Variants in ACSL5 observed in about 807,000 individuals in gnomAD.
ACSL5 encodes acyl-CoA synthetase long chain family member 5.
A neutral mutation model predicts 84.9 loss-of-function variants in ACSL5; 50 were observed. That is an observed-to-expected ratio of 0.59 (90% confidence interval 0.47 to 0.75). ACSL5 has a LOEUF of 0.75. Ranked by LOEUF, ACSL5 falls within the 30% of genes least tolerant of loss-of-function variation. The pLI is 0.00. For synonymous variants in ACSL5, 280 were observed against 300.7 expected (o/e 0.93, Z 0.71); for missense variants, 775 against 830.4 (o/e 0.93, Z 0.82).
chr10:112,390,089 A>C (rs1031598051), intron 1 of ACSL5, among the ~76,000 whole-genome samples: 1 of 114,534 alleles, frequency 8.7e-6, no homozygotes. Flanking sequence ...ATTGTAAAAA[A>C]ATAAAAATAA....
chr10:112,393,846 C>A (rs1162220624), intron 1 of ACSL5, among the ~76,000 whole-genome samples: 4 of 152,198 alleles, frequency 2.6e-5, no homozygotes, highest in Admixed American at 2.6e-4. Flanking sequence ...TGAATTTGGA[C>A]AAGTCACTTT....
At chr10:112,406,642 C>T (rs549215871) in intron 5 of ACSL5, 5 of 152,152 alleles carry the variant, frequency 3.3e-5, no homozygotes, top group African/African-American at 9.7e-5. Flanking sequence ...TGTATTAGTT[C>T]GTTATCACAC....
At chr10:112,405,435 C>G (rs1564737672) in intron 5 of ACSL5, among the ~76,000 whole-genome samples, 2 of 152,126 alleles carry the variant, frequency 1.3e-5, no homozygotes, top group Non-Finnish European at 1.5e-5. Flanking sequence ...TCGACAGAAG[C>G]CATTAGTAGT....
At chr10:112,381,862 G>A (rs1156657901) in intron 1 of ACSL5, among the ~76,000 whole-genome samples, 3 of 152,096 alleles carry the variant, frequency 2.0e-5, no homozygotes, top group Non-Finnish European at 4.4e-5. Flanking sequence ...AGCTACTCAG[G>A]AGGCTGAGAC....
intron 1 of ACSL5, among the ~76,000 whole-genome samples, chr10:112,388,085 T>C (rs975833546): frequency 6.6e-6 from 1 of 152,014 alleles, no homozygotes; most frequent in Admixed American, 6.6e-5. Context: ...ATTACAGGCA[T>C]GCGCCACCAA....
intron 3 of ACSL5, among the ~76,000 whole-genome samples, chr10:112,403,562 A>G (rs12221085): frequency 0.084 from 12,836 of 152,334 alleles, 670 homozygotes; most frequent in Non-Finnish European, 0.11. Context: ...CTGGGATTAC[A>G]GGCATGAGCC....
chr10:112,415,977 ATCATGCGAGC>A (rs898976242), intron 12 of ACSL5, among the ~76,000 whole-genome samples: 7 of 152,156 alleles, frequency 4.6e-5, no homozygotes, highest in African/African-American at 9.7e-5. Flanking sequence ...GACCAGGGAA[ATCATGCGAGC>A]TGGAAAAATG....
At chr10:112,387,720 G>A (rs1210536501) in intron 1 of ACSL5, among the ~76,000 whole-genome samples, 2 of 152,180 alleles carry the variant, frequency 1.3e-5, no homozygotes, top group African/African-American at 4.8e-5. Flanking sequence ...CTAATTGGGT[G>A]TAAGAACTTG....
At chr10:112,379,008 A>T (rs546149910) in intron 1 of ACSL5, among the ~76,000 whole-genome samples, 4 of 151,816 alleles carry the variant, frequency 2.6e-5, no homozygotes, top group South Asian at 4.1e-4. Flanking sequence ...AAGAGTTGTG[A>T]GGTTGCGAGT....
intron 17 of ACSL5, among the ~76,000 whole-genome samples, chr10:112,422,871 C>T (rs915080973): frequency 3.0e-5 from 4 of 135,566 alleles, no homozygotes; most frequent in Admixed American, 2.2e-4. Context: ...AAAAAAAGAA[C>T]ATACAATTGA....
chr10:112,422,126 C>T (rs1177367377), intron 16 of ACSL5, 91 bp downstream of exon 16: 1 of 1,428,064 alleles, frequency 7.0e-7, no homozygotes, highest in African/African-American at 1.4e-5. Context: ...TGGATTTGGC[C>T]CCTTTGAGAT....
In ACSL5 at chr10:112,399,064, A is replaced by G. The variant is rs542993939; in HGVS notation, c.265+55A>G. ...GAAGACAAGGTGAGGTCTGTGGCCC[A>G]TCTCTCTTTCTCTGTCTCACTTCTA... On this transcript the variant is annotated intron_variant, in intron 3 of 20. Coordinates refer to ENST00000354655, the MANE Select transcript of ACSL5 (RefSeq NM_203379.2). The G allele has an allele frequency of 1.1e-5, 16 of 1,446,712 alleles. No homozygotes were observed. In the East Asian group the frequency reaches 2.5e-4, roughly 23 times the overall value. 89.6% of individuals were successfully genotyped at this position (1,446,712 alleles called of 1,614,324 possible).
intron 17 of ACSL5, among the ~76,000 whole-genome samples, chr10:112,423,221 AATAT>A (rs58826772): frequency 0.15 from 2,411 of 16,162 alleles, 328 homozygotes; most frequent in Non-Finnish European, 0.2. Context: ...AAAAAAAAAA[AATAT>A]ATATATATAT....
At chr10:112,411,862 A>C (rs367775141) in intron 10 of ACSL5, 40 bp from the exon 11 acceptor site, 4 of 1,558,936 alleles carry the variant, frequency 2.6e-6, no homozygotes, top group Non-Finnish European at 3.5e-6. Context: ...AGTTGGCATT[A>C]ATCTCATGTT....
At chr10:112,398,665 A>G (rs1169060308) in intron 2 of ACSL5, among the ~76,000 whole-genome samples, 2 of 152,148 alleles carry the variant, frequency 1.3e-5, no homozygotes, top group Admixed American at 6.5e-5. Flanking sequence ...TCAGCCTCCC[A>G]AAGTGCTGGG....
Position 112,404,685 on chromosome 10 carries a change from C to G in ACSL5, c.331-20C>G. 1 of 1,609,274 alleles carries G rather than the reference C, an allele frequency of 6.2e-7. No individual in the cohort carries two copies. ...TTGACCTCTTCTCTCTCTCTCTCAC[C>G]CCATCTCTCTTTTTTGTAGGTGTCT... On this transcript the variant is annotated intron_variant, in intron 4 of 20. Coordinates refer to ENST00000354655, the MANE Select transcript of ACSL5 (RefSeq NM_203379.2).
At chr10:112,385,782 G>A (rs980786995) in intron 1 of ACSL5, among the ~76,000 whole-genome samples, 5 of 151,954 alleles carry the variant, frequency 3.3e-5, no homozygotes, top group South Asian at 2.1e-4. Context: ...TCTTTTCTGC[G>A]GGAAAATTTT....
At chr10:112,381,388 C>A (rs927482283) in intron 1 of ACSL5, among the ~76,000 whole-genome samples, 1 of 152,124 alleles carries the variant, frequency 6.6e-6, no homozygotes. Flanking sequence ...AACGTATAGG[C>A]TGGGTACAGT....
intron 14 of ACSL5, chr10:112,419,673 T>C (rs1844409510): frequency 6.6e-6 from 1 of 152,226 alleles, no homozygotes; most frequent in South Asian, 2.1e-4. Flanking sequence ...AGTCAACCTG[T>C]AATATTAACT....
Sources: allele counts gnomAD v4.1 joint callset (sites outside exome capture counted in the v4.1 genomes callset), GRCh38; gene constraint gnomAD v4.1.1; transcripts MANE v1.5; gene names NCBI Gene and HGNC (gene_info 2026-07-23, HGNC 2026-07-21).